The following TPST1 variants were observed in gnomAD, a reference collection of about 807,000 sequenced individuals.
TPST1 encodes the protein protein-tyrosine sulfotransferase 1.
Under a neutral mutation model 34.8 loss-of-function variants are expected in TPST1, and 20 were observed. That is an observed-to-expected ratio of 0.57 (90% CI 0.40 to 0.84). TPST1 has a LOEUF of 0.84. Ranked by LOEUF, TPST1 falls within the 40% of genes least tolerant of loss-of-function variation. The pLI is 0.00. For synonymous variants in TPST1, 152 were observed against 159.4 expected, an observed-to-expected ratio of 0.95 and a Z score of 0.35; for missense variants, 353 against 455.5, an observed-to-expected ratio of 0.78 and a Z score of 2.05.
intron 3 of TPST1, among the ~76,000 whole-genome samples, chr7:66,322,533 A>G (rs1226518597): frequency 6.6e-6 from 1 of 152,138 alleles, no homozygotes; most frequent in Non-Finnish European, 1.5e-5. Context: ...TAATGTCCTC[A>G]AGTTTCATCC....
intron 2 of TPST1, among the ~76,000 whole-genome samples, chr7:66,266,702 A>G (rs1288878037): frequency 6.6e-6 from 1 of 152,250 alleles, no homozygotes; most frequent in Non-Finnish European, 1.5e-5. Context: ...CTCAGCAATA[A>G]AAAGAAGCAA....
At chr7:66,213,521 C>T (rs928148648) in intron 1 of TPST1, among the ~76,000 whole-genome samples, 4 of 151,976 alleles carry the variant, frequency 2.6e-5, no homozygotes, top group Admixed American at 6.6e-5. Flanking sequence ...TTTGGGAGGC[C>T]GAGGCGGGCA....
intron 3 of TPST1, among the ~76,000 whole-genome samples, chr7:66,341,597 C>T (rs1267878964): frequency 1.3e-5 from 2 of 152,152 alleles, no homozygotes; most frequent in East Asian, 3.8e-4. Context: ...CAAAATTATA[C>T]TTGGAGAATC....
At chr7:66,339,431 C>T (rs896968768) in intron 3 of TPST1, among the ~76,000 whole-genome samples, 1 of 152,094 alleles carries the variant, frequency 6.6e-6, no homozygotes, top group African/African-American at 2.4e-5. Context: ...ATTTAAAGAA[C>T]TAATACCAAT....
At chr7:66,252,715 T>C (rs1790293296) in intron 2 of TPST1, among the ~76,000 whole-genome samples, 1 of 152,156 alleles carries the variant, frequency 6.6e-6, no homozygotes, top group East Asian at 1.9e-4. Flanking sequence ...ATAAGAAAAA[T>C]CTTTTGATGA....
chr7:66,254,377 T>A (rs1467212590), intron 2 of TPST1, among the ~76,000 whole-genome samples: 1 of 152,202 alleles, frequency 6.6e-6, no homozygotes, highest in East Asian at 1.9e-4. Flanking sequence ...GTAATGTAAA[T>A]ATGTGTATTG....
Position 66,286,689 on chromosome 7 carries a change from A to C in TPST1, c.1024A>C (p.Ile342Leu). The change falls in exon 3 of 6, where the codon ATT (isoleucine) becomes CTT (leucine). Residue 342 changes from isoleucine (I) to leucine (L), a missense_variant. By Grantham distance (5) the Ile-to-Leu change is conservative (BLOSUM62 2). Transcript: ENST00000304842. ...PPNYGKPDPK[I>L]IENTRRVYKG... Reference sequence around the variant, plus strand: ...TAACTACGGAAAACCTGATCCCAAAATTATTGAAAACACTCGAAGGGTAAG... The same window carrying C: ...TAACTACGGAAAACCTGATCCCAAACTTATTGAAAACACTCGAAGGGTAAG... The C allele has an allele frequency of 1.3e-6, 2 of 1,578,400 alleles. No individual in the cohort carries two copies. Among genetic ancestry groups the C allele is most frequent in the Non-Finnish European group, 1.7e-6 (2 of 1,160,636 alleles).
In TPST1 at chr7:66,356,848, C is replaced by T; in HGVS notation, c.*6C>T. 1.2e-6 allele frequency: 2 copies of T among 1,614,146 alleles called. No homozygotes were observed. Among genetic ancestry groups the T allele is most frequent in the Non-Finnish European group, 1.7e-6 (2 of 1,180,012 alleles). Reference sequence around the variant, plus strand: ...AGACTGAGCAAGTGGAGTAGCAGAACCAGGAGCCTCTTCCATACATGAGGT... The same window carrying T: ...AGACTGAGCAAGTGGAGTAGCAGAATCAGGAGCCTCTTCCATACATGAGGT... On this transcript the variant is annotated 3_prime_UTR_variant, in exon 5 of 6. Transcript: ENST00000304842.
chr7:66,346,065 G>A (rs377178157), intron 3 of TPST1, among the ~76,000 whole-genome samples: 1 of 149,822 alleles, frequency 6.7e-6, no homozygotes, highest in South Asian at 2.1e-4. Context: ...CCACAAATAA[G>A]TGAGAACATG....
intron 3 of TPST1, among the ~76,000 whole-genome samples, chr7:66,338,394 TCCA>T: frequency 6.6e-6 from 1 of 152,124 alleles, no homozygotes; most frequent in Non-Finnish European, 1.5e-5. Flanking sequence ...CTAGGGAACA[TCCA>T]CACTTTCAAT....
intron 1 of TPST1, among the ~76,000 whole-genome samples, chr7:66,229,916 G>T (rs1789741517): frequency 6.6e-6 from 1 of 152,058 alleles, no homozygotes; most frequent in African/African-American, 2.4e-5. Flanking sequence ...ACTTCAAAAA[G>T]AAACCCCATA....
At chr7:66,341,686 G>C (rs1792241923) in intron 3 of TPST1, among the ~76,000 whole-genome samples, 1 of 152,174 alleles carries the variant, frequency 6.6e-6, no homozygotes, top group Non-Finnish European at 1.5e-5. Flanking sequence ...TAACTTTGTA[G>C]TGCTTCATAG....
chr7:66,251,618 A>G (rs907534838), intron 2 of TPST1, among the ~76,000 whole-genome samples: 1 of 152,210 alleles, frequency 6.6e-6, no homozygotes, highest in Non-Finnish European at 1.5e-5. Context: ...GGAAACTAAC[A>G]TGGCAGGTTG....
At chr7:66,222,495 GT>G (rs1177127143) in intron 1 of TPST1, among the ~76,000 whole-genome samples, 1 of 152,174 alleles carries the variant, frequency 6.6e-6, no homozygotes, top group Non-Finnish European at 1.5e-5. Flanking sequence ...AACTTAAATA[GT>G]CTAGTGAGGT....
chr7:66,265,023 C>G (rs1263950843), intron 2 of TPST1, among the ~76,000 whole-genome samples: 5 of 151,860 alleles, frequency 3.3e-5, no homozygotes, highest in African/African-American at 1.2e-4. Context: ...AGCATGGTAA[C>G]TGAAATGAAA....
At chr7:66,242,747 G>T (rs1790062735) in intron 2 of TPST1, among the ~76,000 whole-genome samples, 1 of 152,160 alleles carries the variant, frequency 6.6e-6, no homozygotes, top group African/African-American at 2.4e-5. Context: ...CTTCAGTAGG[G>T]ATTAAAGAGA....
chr7:66,267,060 A>T (rs1051760537), intron 2 of TPST1, among the ~76,000 whole-genome samples: 3 of 152,218 alleles, frequency 2.0e-5, no homozygotes, highest in Non-Finnish European at 4.4e-5. Context: ...AAAAATCTTG[A>T]TTGCTCTGTC....
chr7:66,227,683 G>T (rs1789692189), intron 1 of TPST1, among the ~76,000 whole-genome samples: 1 of 151,890 alleles, frequency 6.6e-6, no homozygotes, highest in African/African-American at 2.4e-5. Context: ...TGGATGTGTT[G>T]AGAAGTAGTC....
At chr7:66,323,700 T>A (rs1439175127) in intron 3 of TPST1, among the ~76,000 whole-genome samples, 1 of 152,230 alleles carries the variant, frequency 6.6e-6, no homozygotes, top group African/African-American at 2.4e-5. Flanking sequence ...AAAATTTACA[T>A]CACCCAATTA....
Sources: allele counts gnomAD v4.1 joint callset (sites outside exome capture counted in the v4.1 genomes callset), GRCh38; gene constraint gnomAD v4.1.1; transcripts MANE v1.5; gene names NCBI Gene and HGNC (gene_info 2026-07-23, HGNC 2026-07-21).